The following COL6A6 variants were observed in gnomAD, a reference collection of about 807,000 sequenced individuals.
The protein encoded by COL6A6 is collagen type VI alpha 6 chain, also known as collagen alpha-6(VI) chain.
In COL6A6, 183 loss-of-function variants were observed where a neutral mutation model predicts 208.6. The observed-to-expected ratio is 0.88, with a 90% CI of 0.78 to 0.99. The LOEUF is 0.99. Among genes scored for constraint, COL6A6 ranks in the 50% least tolerant of loss-of-function variants. The pLI is 0.00. For missense variants in COL6A6, 2,816 were observed against 2,815.2 expected (o/e 1.00, Z -0.01); for synonymous variants, 973 against 1,011.8 (o/e 0.96, Z 0.73).
intron 1 of COL6A6, among the ~76,000 whole-genome samples, chr3:130,525,056 C>A (rs2061932563): frequency 6.6e-6 from 1 of 152,220 alleles, no homozygotes; most frequent in African/African-American, 2.4e-5. Context: ...ATCCTTACAA[C>A]AACCCATTAT....
At chr3:130,547,053 G>C (rs566183359) in intron 1 of COL6A6, among the ~76,000 whole-genome samples, 1 of 152,222 alleles carries the variant, frequency 6.6e-6, no homozygotes, top group Non-Finnish European at 1.5e-5. Flanking sequence ...CCAGTCCTGC[G>C]CGGCCTGCCT....
chr3:130,531,974 G>A (rs1277009579), intron 1 of COL6A6, among the ~76,000 whole-genome samples: 5 of 152,142 alleles, frequency 3.3e-5, no homozygotes, highest in Non-Finnish European at 5.9e-5. Flanking sequence ...GGTTTTGGGA[G>A]GTGTGTTTAG....
At chr3:130,642,247 G>A (rs1299036376) in intron 29 of COL6A6, among the ~76,000 whole-genome samples, 5 of 62,214 alleles carry the variant, frequency 8.0e-5, no homozygotes, top group Non-Finnish European at 1.3e-4. Flanking sequence ...GATTATATGT[G>A]TGTGTGTGTG....
chr3:130,529,186 T>A (rs553724378), intron 1 of COL6A6, among the ~76,000 whole-genome samples: 1 of 151,258 alleles, frequency 6.6e-6, no homozygotes, highest in East Asian at 2.0e-4. Flanking sequence ...GCAAAATGAC[T>A]CCATCTTTTC....
intron 1 of COL6A6, among the ~76,000 whole-genome samples, chr3:130,528,703 C>T (rs915077387): frequency 6.6e-6 from 1 of 152,152 alleles, no homozygotes; most frequent in Non-Finnish European, 1.5e-5. Context: ...ATCAAAGTCA[C>T]CTGGGTTTGA....
intron 10 of COL6A6, among the ~76,000 whole-genome samples, chr3:130,584,136 G>A (rs1288517164): frequency 6.6e-6 from 1 of 152,086 alleles, no homozygotes; most frequent in Non-Finnish European, 1.5e-5. Flanking sequence ...TTAGAAAATT[G>A]AAAACATTGT....
At chr3:130,578,595 C>G (rs1251840028) in intron 8 of COL6A6, among the ~76,000 whole-genome samples, 1 of 152,130 alleles carries the variant, frequency 6.6e-6, no homozygotes, top group Non-Finnish European at 1.5e-5. Flanking sequence ...TGTATACCAG[C>G]CCAGCAGAGG....
At chr3:130,529,650 G>A (rs2062038118) in intron 1 of COL6A6, among the ~76,000 whole-genome samples, 1 of 152,118 alleles carries the variant, frequency 6.6e-6, no homozygotes, top group African/African-American at 2.4e-5. Flanking sequence ...CTTCTCCTCA[G>A]CTTAGTCATC....
At chr3:130,607,176 C>T (rs2064208736) in intron 21 of COL6A6, among the ~76,000 whole-genome samples, 1 of 151,996 alleles carries the variant, frequency 6.6e-6, no homozygotes, top group South Asian at 2.1e-4. Flanking sequence ...AAATAATGGC[C>T]AGAGATGTAC....
intron 8 of COL6A6, among the ~76,000 whole-genome samples, chr3:130,578,366 G>A (rs895257696): frequency 6.6e-6 from 1 of 152,146 alleles, no homozygotes. Context: ...CTGGGTCTGG[G>A]TTCTCCAGAA....
chr3:130,675,276 A>C lies in COL6A6; in HGVS notation c.6671A>C (p.Lys2224Thr). The C allele has an allele frequency of 6.3e-7, 1 of 1,585,492 alleles. No individual in the cohort carries two copies. The highest frequency in any genetic ancestry group is 1.2e-5 in the South Asian group (1 of 86,652). Residue 2224 changes from lysine to threonine, a missense_variant, in exon 37 of 37, where the codon AAA becomes ACA. Coordinates refer to ENST00000358511, the MANE Select transcript of COL6A6 (RefSeq NM_001102608.3). ...LQKAKFFQDKKYLSRVARSGR... is the reference protein window; with the variant it reads ...LQKAKFFQDKTYLSRVARSGR... ...AAGGCAAAATTCTTTCAAGATAAAAAATATCTTTCAAGAGTAGCAAGAAGT... is the reference window on the plus strand; with the variant it reads ...AAGGCAAAATTCTTTCAAGATAAAACATATCTTTCAAGAGTAGCAAGAAGT...
chr3:130,654,267 C>T (rs999689999), intron 33 of COL6A6, among the ~76,000 whole-genome samples: 2 of 151,942 alleles, frequency 1.3e-5, no homozygotes, highest in African/African-American at 4.8e-5. Context: ...TGACATCATT[C>T]CTGATTTCTT....
intron 36 of COL6A6, among the ~76,000 whole-genome samples, chr3:130,670,280 T>C (rs2066179366): frequency 6.6e-6 from 1 of 152,186 alleles, no homozygotes; most frequent in Non-Finnish European, 1.5e-5. Context: ...ATCTTTGGCA[T>C]GGAGGGTACA....
intron 35 of COL6A6, 57 bp from the exon 36 acceptor site, chr3:130,664,946 T>C (rs2066034719): frequency 4.4e-6 from 5 of 1,131,518 alleles, no homozygotes; most frequent in South Asian, 4.0e-5. Flanking sequence ...ACAGAGCAGA[T>C]TGCAGTAATG....
chr3:130,603,945 G>A (rs762163408), intron 20 of COL6A6, among the ~76,000 whole-genome samples: 1 of 151,972 alleles, frequency 6.6e-6, no homozygotes, highest in African/African-American at 2.4e-5. Context: ...TTCTCAGGTC[G>A]CTTTGGGGAG....
intron 33 of COL6A6, among the ~76,000 whole-genome samples, chr3:130,654,835 G>T (rs1263067599): frequency 6.6e-6 from 1 of 152,196 alleles, no homozygotes; most frequent in Non-Finnish European, 1.5e-5. Context: ...GGAGGCTAGG[G>T]CTTTTCAAGG....
chr3:130,625,057 G>A (rs933095100), intron 24 of COL6A6, among the ~76,000 whole-genome samples: 1 of 152,152 alleles, frequency 6.6e-6, no homozygotes, highest in African/African-American at 2.4e-5. Context: ...AGAAGCTTAT[G>A]TAAAAGCACA....
intron 3 of COL6A6, 79 bp from the exon 4 acceptor site, chr3:130,564,914 TG>T: frequency 6.7e-7 from 1 of 1,485,962 alleles, no homozygotes; most frequent in Non-Finnish European, 9.2e-7. Context: ...CTCTGCTGTA[TG>T]GTCTTCATGC....
In COL6A6 at chr3:130,536,817, T is replaced by C. The variant is rs532484569; in HGVS notation, c.-32+19420T>C. ...AGATGTGAAACTATCTCATTTTTAG[T>C]TTAAAATGAAGCACACTTGAATAAT... On this transcript the variant is annotated intron_variant, in intron 1 of 36. Transcript: ENST00000358511. Among the ~76,000 whole-genome samples the C allele has an allele frequency of 4.6e-5, 7 of 152,308 alleles. No homozygotes were observed. In the East Asian group the frequency reaches 1.4e-3, roughly 29 times the overall value.
Sources: gnomAD v4.1 joint callset for allele counts (sites outside exome capture counted in the v4.1 genomes callset) on GRCh38, gnomAD v4.1.1 for gene constraint, MANE v1.5 for transcripts, NCBI Gene and HGNC (gene_info 2026-07-23, HGNC 2026-07-21) for gene names.